Variants in HIPK3 observed in about 807,000 individuals in gnomAD.
The protein encoded by HIPK3 is homeodomain-interacting protein kinase 3.
In HIPK3, 47 loss-of-function variants were observed where a neutral mutation model predicts 124.2. The observed-to-expected ratio is 0.38, with a 90% CI of 0.30 to 0.48. HIPK3 has a LOEUF of 0.48. Ranked by LOEUF, HIPK3 falls within the 20% of genes least tolerant of loss-of-function variation. The pLI is 0.98. For missense variants in HIPK3, 1,286 were observed against 1,454.3 expected (o/e 0.88, Z 1.88); for synonymous variants, 482 against 515.2 (o/e 0.94, Z 0.87).
At position 33,341,534 on chromosome 11, in the gene HIPK3, T is replaced by C. The variant is rs778863162; in HGVS notation, c.1774-29T>C. On this transcript the variant is annotated intron_variant, in intron 7 of 16. Coordinates refer to ENST00000303296, the MANE Select transcript of HIPK3 (RefSeq NM_005734.5). The stretch of plus-strand genomic sequence containing the variant: ...AGCGTGTATATTTCATTTAGAAGAC[T>C]GCTCTATATAATGTGCTCGTTGTTT... 11 of 1,556,774 alleles carry C rather than the reference T, an allele frequency of 7.1e-6. No homozygotes were observed. The South Asian group carries it at 1.0e-4, about 14-fold the overall frequency.
chr11:33,307,753 TTGG>T (rs1041478560), intron 2 of HIPK3, among the ~76,000 whole-genome samples: 1 of 149,608 alleles, frequency 6.7e-6, no homozygotes, highest in Non-Finnish European at 1.5e-5. Flanking sequence ...TTTATTCTTG[TTGG>T]TGTGTGTGTG....
intron 1 of HIPK3, among the ~76,000 whole-genome samples, chr11:33,271,312 G>A (rs1016153590): frequency 3.9e-5 from 6 of 152,150 alleles, no homozygotes; most frequent in African/African-American, 9.7e-5. Flanking sequence ...GGTGACTCAC[G>A]ACTGTAATCT....
chr11:33,269,049 A>C (rs1565054009), intron 1 of HIPK3, among the ~76,000 whole-genome samples: 1 of 152,346 alleles, frequency 6.6e-6, no homozygotes, highest in East Asian at 1.9e-4. Flanking sequence ...GTTGGAAAAC[A>C]AATATATTAC....
chr11:33,352,444 A>G lies in HIPK3; in HGVS notation c.3171+179A>G, dbSNP rs143287782. 2.5e-3 allele frequency among the ~76,000 whole-genome samples: 375 copies of G among 152,380 alleles called. 1 individual carries two copies. Among genetic ancestry groups the G allele is most frequent in the Non-Finnish European group, 3.6e-3 (244 of 68,038 alleles). ...TAGGATAATTAAGCAAATTATCCAT[A>G]GAACTTGTAGCCTTTTTCAGAAAGA... is the stretch of plus-strand genomic sequence containing the variant. On this transcript the variant is annotated intron_variant, in intron 16 of 16. Coordinates refer to ENST00000303296, the MANE Select transcript of HIPK3 (RefSeq NM_005734.5).
At chr11:33,315,542 T>C (rs1852476917) in intron 2 of HIPK3, among the ~76,000 whole-genome samples, 1 of 152,142 alleles carries the variant, frequency 6.6e-6, no homozygotes, top group Admixed American at 6.5e-5. Context: ...AGTTATTTAT[T>C]TGTAGAGACA....
At chr11:33,313,125 C>A (rs1262256634) in intron 2 of HIPK3, among the ~76,000 whole-genome samples, 1 of 152,028 alleles carries the variant, frequency 6.6e-6, no homozygotes, top group Non-Finnish European at 1.5e-5. Context: ...CTGTAGTAAT[C>A]CTGCTAAAAA....
At chr11:33,259,805 C>T (rs1390274774) in intron 1 of HIPK3, among the ~76,000 whole-genome samples, 1 of 114,646 alleles carries the variant, frequency 8.7e-6, no homozygotes. Flanking sequence ...TCCCGCCCCC[C>T]GCCCCAAGGG....
chr11:33,258,267 T>C, intron 1 of HIPK3: 3 of 983,110 alleles, frequency 3.1e-6, no homozygotes, highest in Non-Finnish European at 3.6e-6. Flanking sequence ...TTTTGTTTAG[T>C]CCCACGGGGA....
chr11:33,325,537 T>A (rs1240184143), intron 2 of HIPK3, among the ~76,000 whole-genome samples: 1 of 152,228 alleles, frequency 6.6e-6, no homozygotes, highest in Non-Finnish European at 1.5e-5. Context: ...TCTTTTTTAG[T>A]ATAGGTTAAT....
chr11:33,339,206 T>C, intron 5 of HIPK3, 144 bp from the exon 6 acceptor site: 1 of 579,206 alleles, frequency 1.7e-6, no homozygotes. Flanking sequence ...TTGTTAATAT[T>C]ATTTGTTCTT....
At chr11:33,289,020 A>G (rs1851628779) in intron 2 of HIPK3, among the ~76,000 whole-genome samples, 1 of 152,222 alleles carries the variant, frequency 6.6e-6, no homozygotes, top group Non-Finnish European at 1.5e-5. Context: ...AGTATATGCT[A>G]TAGTGCCCAG....
chr11:33,258,199 G>GGGGGGGGCC, intron 1 of HIPK3: 3 of 636,596 alleles, frequency 4.7e-6, no homozygotes, highest in Non-Finnish European at 5.9e-6. Flanking sequence ...GGGCCCGGGG[G>GGGGGGGGCC]CCTCGGCCCC....
intron 1 of HIPK3, among the ~76,000 whole-genome samples, chr11:33,260,665 A>G (rs1850796248): frequency 6.6e-6 from 1 of 152,218 alleles, no homozygotes; most frequent in Non-Finnish European, 1.5e-5. Context: ...TGTAGTTCCC[A>G]TTGGAACCTC....
rs1248907483 is a variant in HIPK3 at position 33,348,557 on chromosome 11, C to T, written c.2405C>T (p.Ser802Leu). The change falls in exon 13 of 17, where the codon TCA becomes TTA. Residue 802 changes from serine (S) to leucine (L), a missense_variant. Ser to Leu is a moderately radical substitution (Grantham distance 145, BLOSUM62 -2). Transcript: ENST00000303296. Reference protein sequence around the residue: ...NSLQNTNIPHSAFISPKIING... With the variant: ...NSLQNTNIPHLAFISPKIING... The stretch of plus-strand genomic sequence containing the variant: ...TTACAGAATACCAATATCCCACATT[C>T]AGCATTTATTTCTCCAAAGATAATT... The T allele has an allele frequency of 6.2e-7, 1 of 1,612,604 alleles. No homozygotes were observed. Among genetic ancestry groups the T allele is most frequent in the East Asian group, 2.2e-5 (1 of 44,876 alleles).
chr11:33,331,051 T>G (rs959922566), intron 3 of HIPK3, among the ~76,000 whole-genome samples: 13 of 152,030 alleles, frequency 8.6e-5, no homozygotes, highest in Admixed American at 2.0e-4. Context: ...GCCTGGCTAA[T>G]TTTTTATTTT....
At chr11:33,315,731 TC>T (rs1852482786) in intron 2 of HIPK3, among the ~76,000 whole-genome samples, 1 of 152,210 alleles carries the variant, frequency 6.6e-6, no homozygotes, top group Admixed American at 6.5e-5. Context: ...GCTGTATTCA[TC>T]TCTTTTGGTA....
At chr11:33,348,887 C>G in intron 13 of HIPK3, 69 bp downstream of exon 13, 2 of 1,407,976 alleles carry the variant, frequency 1.4e-6, no homozygotes, top group South Asian at 1.3e-5. Flanking sequence ...AAACAACTTT[C>G]TGTGACTTAT....
chr11:33,300,995 T>G (rs578006818), intron 2 of HIPK3, among the ~76,000 whole-genome samples: 2 of 152,290 alleles, frequency 1.3e-5, no homozygotes, highest in Non-Finnish European at 2.9e-5. Flanking sequence ...AGTGCTACAA[T>G]TACCACACCC....
At chr11:33,334,991 A>C (rs764411064) in intron 3 of HIPK3, among the ~76,000 whole-genome samples, 3 of 152,098 alleles carry the variant, frequency 2.0e-5, no homozygotes, top group Non-Finnish European at 4.4e-5. Context: ...GAAAAATGTT[A>C]ATGAAGTAAA....
Sources: allele counts gnomAD v4.1 joint callset (sites outside exome capture counted in the v4.1 genomes callset), GRCh38; gene constraint gnomAD v4.1.1; transcripts MANE v1.5; gene names NCBI Gene and HGNC (gene_info 2026-07-23, HGNC 2026-07-21).